Variants in LRP1B observed in about 807,000 individuals in gnomAD.
LRP1B encodes LDL receptor related protein 1B, also known as low-density lipoprotein receptor-related protein 1B.
LRP1B carries 217 observed loss-of-function variants against 556.6 expected under a neutral mutation model. The ratio of observed to expected loss-of-function variants is 0.39; its 90% CI spans 0.35 to 0.44. The LOEUF is 0.44. Ranked by LOEUF, LRP1B falls within the 20% of genes least tolerant of loss-of-function variation. The probability of loss-of-function intolerance (pLI) is 1.00; values close to 1 mark genes in which losing one functional copy is unlikely to be tolerated. For synonymous variants in LRP1B, 2,047 were observed against 1,865.8 expected, an observed-to-expected ratio of 1.10 and a Z score of -2.50; for missense variants, 5,053 against 5,620.8, an observed-to-expected ratio of 0.90 and a Z score of 3.23.
chr2:140,568,113 C>T (rs1328571276), intron 43 of LRP1B, among the ~76,000 whole-genome samples: 1 of 150,986 alleles, frequency 6.6e-6, no homozygotes, highest in South Asian at 2.1e-4. Context: ...AAATAACTCT[C>T]CAGAAACTGA....
intron 60 of LRP1B, among the ~76,000 whole-genome samples, chr2:140,469,428 T>C (rs1229429216): frequency 5.9e-5 from 9 of 152,158 alleles, no homozygotes; most frequent in Non-Finnish European, 1.0e-4. Context: ...ATGCAATAAA[T>C]TATCCAGCCA....
At chr2:141,985,393 A>G (rs750744631) in intron 1 of LRP1B, among the ~76,000 whole-genome samples, 5 of 152,122 alleles carry the variant, frequency 3.3e-5, no homozygotes, top group Non-Finnish European at 5.9e-5. Context: ...TCACTATTTT[A>G]TATTTCGGTT....
At chr2:140,387,593 A>G (rs1178058094) in intron 66 of LRP1B, among the ~76,000 whole-genome samples, 1 of 151,106 alleles carries the variant, frequency 6.6e-6, no homozygotes, top group Non-Finnish European at 1.5e-5. Context: ...TTTTTTAAGT[A>G]TTGCCTGAAT....
intron 2 of LRP1B, among the ~76,000 whole-genome samples, chr2:141,530,989 A>G (rs1052641351): frequency 6.6e-6 from 1 of 151,658 alleles, no homozygotes; most frequent in Admixed American, 6.6e-5. Context: ...GTGGGAGGCT[A>G]TTAGTAAATT....
chr2:142,126,149 A>G (rs1375720535), intron 1 of LRP1B, among the ~76,000 whole-genome samples: 1 of 151,900 alleles, frequency 6.6e-6, no homozygotes, highest in African/African-American at 2.4e-5. Context: ...GATAATTTTG[A>G]CACGTGTTTC....
intron 3 of LRP1B, among the ~76,000 whole-genome samples, chr2:141,258,120 A>G (rs1684549167): frequency 6.6e-6 from 1 of 152,228 alleles, no homozygotes; most frequent in African/African-American, 2.4e-5. Flanking sequence ...AAGTGAGAAC[A>G]CAGACATGTA....
chr2:141,753,344 CTTTGTT>C (rs1298164684), intron 2 of LRP1B, among the ~76,000 whole-genome samples: 2 of 144,706 alleles, frequency 1.4e-5, no homozygotes, highest in African/African-American at 5.1e-5. Context: ...TTTTATTTTC[CTTTGTT>C]TTTATTTCTC....
At chr2:141,768,787 A>T (rs528346635) in intron 2 of LRP1B, among the ~76,000 whole-genome samples, 2 of 152,272 alleles carry the variant, frequency 1.3e-5, no homozygotes, top group South Asian at 4.1e-4. Context: ...GAATTATATT[A>T]TACTAATAAC....
At chr2:141,374,929 C>T (rs1455486938) in intron 3 of LRP1B, among the ~76,000 whole-genome samples, 1 of 152,170 alleles carries the variant, frequency 6.6e-6, no homozygotes, top group African/African-American at 2.4e-5. Flanking sequence ...GGTGGTGCCA[C>T]ACTTCCCTGC....
chr2:141,130,264 G>T (rs1701316387), intron 7 of LRP1B, among the ~76,000 whole-genome samples: 1 of 151,806 alleles, frequency 6.6e-6, no homozygotes, highest in South Asian at 2.1e-4. Flanking sequence ...CACTGACAGG[G>T]TAAATGTTAA....
chr2:141,775,243 T>C (rs150143844), intron 2 of LRP1B, among the ~76,000 whole-genome samples: 9 of 152,372 alleles, frequency 5.9e-5, no homozygotes, highest in Admixed American at 2.6e-4. Context: ...CTGTAAATTG[T>C]AGAAAATTAA....
chr2:141,446,969 G>A (rs1023011640), intron 3 of LRP1B, among the ~76,000 whole-genome samples: 1 of 152,118 alleles, frequency 6.6e-6, no homozygotes, highest in Non-Finnish European at 1.5e-5. Context: ...GACATGCTAG[G>A]TTGGGGAAGT....
intron 1 of LRP1B, among the ~76,000 whole-genome samples, chr2:142,072,974 A>T (rs1015152536): frequency 7.9e-5 from 12 of 152,042 alleles, no homozygotes; most frequent in African/African-American, 2.2e-4. Context: ...CATCCTGTGA[A>T]ATTCTCTGCA....
intron 41 of LRP1B, among the ~76,000 whole-genome samples, chr2:140,620,820 A>G (rs1317147271): frequency 6.6e-6 from 1 of 152,158 alleles, no homozygotes; most frequent in Non-Finnish European, 1.5e-5. Flanking sequence ...TCAGGTTATG[A>G]TATTGTAAAC....
intron 1 of LRP1B, among the ~76,000 whole-genome samples, chr2:142,033,898 G>A (rs1040865080): frequency 6.6e-6 from 1 of 151,696 alleles, no homozygotes; most frequent in South Asian, 2.1e-4. Context: ...CTGTTCAATA[G>A]GCTGCCTTCA....
At chr2:141,132,596 T>C (rs1003736556) in intron 7 of LRP1B, among the ~76,000 whole-genome samples, 118 of 151,996 alleles carry the variant, frequency 7.8e-4, no homozygotes, top group Non-Finnish European at 1.5e-4. Flanking sequence ...TAAAATCTAA[T>C]ATAATCTCAC....
intron 3 of LRP1B, among the ~76,000 whole-genome samples, chr2:141,373,630 GTT>G (rs1689320545): frequency 6.6e-6 from 1 of 151,432 alleles, no homozygotes; most frequent in African/African-American, 2.4e-5. Context: ...TTAAAAGTCT[GTT>G]TTAGCTGACA....
chr2:141,089,956 T>C (rs1036360024), intron 7 of LRP1B, among the ~76,000 whole-genome samples: 3 of 152,222 alleles, frequency 2.0e-5, no homozygotes, highest in African/African-American at 7.2e-5. Flanking sequence ...AAGGGTTATA[T>C]TCTTCTAATC....
At chr2:141,212,047 A>G (rs1408752134) in intron 6 of LRP1B, among the ~76,000 whole-genome samples, 1 of 152,120 alleles carries the variant, frequency 6.6e-6, no homozygotes, top group African/African-American at 2.4e-5. Context: ...AGAGTTTAAT[A>G]AAACATGTAT....
Sources: gnomAD v4.1 joint callset for allele counts (sites outside exome capture counted in the v4.1 genomes callset) on GRCh38, gnomAD v4.1.1 for gene constraint, MANE v1.5 for transcripts, NCBI Gene and HGNC (gene_info 2026-07-23, HGNC 2026-07-21) for gene names.